GRIP1: variants seen among roughly 807,000 people sequenced by gnomAD.
GRIP1 encodes glutamate receptor interacting protein 1.
GRIP1 carries 45 observed loss-of-function variants against 129.9 expected under a neutral mutation model. The ratio of observed to expected loss-of-function variants is 0.35; its 90% CI spans 0.27 to 0.44. The LOEUF (loss-of-function observed/expected upper bound fraction) is 0.44. Among genes scored for constraint, GRIP1 ranks in the 20% least tolerant of loss-of-function variants. The pLI is 1.00. For missense variants in GRIP1, 1,196 were observed against 1,396.8 expected, an observed-to-expected ratio of 0.86 and a Z score of 2.29; for synonymous variants, 530 against 520.8, an observed-to-expected ratio of 1.02 and a Z score of -0.24.
chr12:66,372,170 C>T (rs981786887), intron 22 of GRIP1: 5 of 581,340 alleles, frequency 8.6e-6, no homozygotes, highest in Non-Finnish European at 1.5e-5. Context: ...TTTATTTAAT[C>T]AAATACCACC....
chr12:67,036,962 T>C (rs1163713159), intron 1 of GRIP1, among the ~76,000 whole-genome samples: 2 of 152,134 alleles, frequency 1.3e-5, no homozygotes, highest in East Asian at 3.9e-4. Flanking sequence ...CGTGTGAGTC[T>C]CCGACAAGTG....
chr12:66,683,136 G>A (rs778414224), upstream of GRIP1, among the ~76,000 whole-genome samples: 16 of 151,788 alleles, frequency 1.1e-4, no homozygotes, highest in Non-Finnish European at 2.2e-4. Flanking sequence ...TGTTCTCGGA[G>A]GTCTTAAAAT....
At position 66,485,152 on chromosome 12, in the gene GRIP1, A is replaced by C. The variant is rs143286676; in HGVS notation, c.725-19730T>G. Among the ~76,000 whole-genome samples the C allele has an allele frequency of 2.5e-3, 381 of 152,254 alleles. 1 individual carries two copies. Among genetic ancestry groups the C allele is most frequent in the African/African-American group, 8.6e-3 (358 of 41,548 alleles). ...TGAATTTGCTGTCCCACCAGAAGGG[A>C]ATGAGAATTCCAGTTGCTCTATATG... On this transcript the variant is annotated intron_variant, in intron 7 of 24. Coordinates refer to ENST00000359742, the MANE Select transcript of GRIP1 (RefSeq NM_001366722.1).
intron 6 of GRIP1, among the ~76,000 whole-genome samples, chr12:66,516,605 C>G (rs2060850806): frequency 2.0e-5 from 3 of 152,094 alleles, no homozygotes; most frequent in Non-Finnish European, 2.9e-5. Context: ...TACAAGTATG[C>G]CACTCACAAG....
At chr12:66,671,637 C>T (rs531418074) in intron 1 of GRIP1, among the ~76,000 whole-genome samples, 6 of 152,276 alleles carry the variant, frequency 3.9e-5, no homozygotes, top group African/African-American at 1.4e-4. Flanking sequence ...GAAAACTGTT[C>T]TCTCAAAGGT....
intron 1 of GRIP1, among the ~76,000 whole-genome samples, chr12:67,011,878 C>T (rs1438407869): frequency 6.6e-6 from 1 of 152,188 alleles, no homozygotes; most frequent in Non-Finnish European, 1.5e-5. Context: ...CTCAACTCTG[C>T]TGTTGTAGTA....
At chr12:66,877,515 A>G (rs1258436986) in intron 1 of GRIP1, among the ~76,000 whole-genome samples, 1 of 152,108 alleles carries the variant, frequency 6.6e-6, no homozygotes, top group Non-Finnish European at 1.5e-5. Context: ...ACCTTATTAA[A>G]CACAGCCATA....
At chr12:66,735,189 C>G (rs1249845639) in intron 1 of GRIP1, among the ~76,000 whole-genome samples, 1 of 152,124 alleles carries the variant, frequency 6.6e-6, no homozygotes, top group African/African-American at 2.4e-5. Context: ...CGTGATTGTT[C>G]TGGATTGTGT....
chr12:66,526,992 G>A (rs148610361), intron 5 of GRIP1, among the ~76,000 whole-genome samples: 25,138 of 134,850 alleles, frequency 0.19, 4,866 homozygotes, highest in African/African-American at 0.29. Context: ...TCTCATACCA[G>A]TTAGAATGGC....
In GRIP1 at chr12:66,401,598, G is replaced by GTGTATATATATGTATATA. The variant is rs71096098; in HGVS notation, c.1984+4684_1984+4685insTATATACATATATATACA. 6.0e-5 allele frequency among the ~76,000 whole-genome samples: 4 copies of GTGTATATATATGTATATA among 66,272 alleles called. No homozygotes were observed. The East Asian group carries it at 2.2e-3, about 37-fold the overall frequency. 43.5% of individuals were successfully genotyped at this position (66,272 alleles called of 152,430 possible). A position where few individuals can be genotyped will look rare whatever the true frequency, so the allele number is the denominator to read the frequency against. ...CCGTCTCAAAAAAAAAAATATGTGTGTATATATATATACACACACACACAC... is the reference window on the plus strand; with the variant it reads ...CCGTCTCAAAAAAAAAAATATGTGTGTGTATATATATGTATATATATATATATATACACACACACACAC... On this transcript the variant is annotated intron_variant, in intron 16 of 24. Coordinates refer to ENST00000359742, the MANE Select transcript of GRIP1 (RefSeq NM_001366722.1).
At chr12:66,603,099 T>C (rs1160489422) in intron 1 of GRIP1, among the ~76,000 whole-genome samples, 1 of 151,636 alleles carries the variant, frequency 6.6e-6, no homozygotes, top group Non-Finnish European at 1.5e-5. Context: ...TGGCCTCAAG[T>C]GATCCTCCCA....
At chr12:66,977,880 A>T (rs185361381) in intron 1 of GRIP1, among the ~76,000 whole-genome samples, 22 of 132,918 alleles carry the variant, frequency 1.7e-4, no homozygotes, top group South Asian at 1.2e-3. Context: ...TGGCACAATC[A>T]TACCTCTCTA....
chr12:66,863,911 T>A (rs959409864), intron 1 of GRIP1, among the ~76,000 whole-genome samples: 3 of 152,192 alleles, frequency 2.0e-5, no homozygotes, highest in African/African-American at 7.2e-5. Context: ...TGAATTGTAC[T>A]GAGAGCCCAG....
At chr12:66,588,235 G>A (rs375897224) in intron 2 of GRIP1, among the ~76,000 whole-genome samples, 1 of 152,128 alleles carries the variant, frequency 6.6e-6, no homozygotes, top group South Asian at 2.1e-4. Context: ...GCTCTGAAAG[G>A]CATAAGTGTA....
chr12:66,411,168 G>A (rs569435138), intron 15 of GRIP1, among the ~76,000 whole-genome samples: 268 of 152,240 alleles, frequency 1.8e-3, no homozygotes, highest in Middle Eastern at 0.01. Context: ...TTTTTTAAGC[G>A]GGTCCCTGAT....
At chr12:66,686,366 A>G (rs1386689213) in intron 1 of GRIP1, among the ~76,000 whole-genome samples, 1 of 152,256 alleles carries the variant, frequency 6.6e-6, no homozygotes, top group Non-Finnish European at 1.5e-5. Flanking sequence ...TGGTCTGTGT[A>G]TGAAGGAAAT....
At chr12:66,441,153 T>C (rs2058461872) in intron 13 of GRIP1, among the ~76,000 whole-genome samples, 2 of 152,256 alleles carry the variant, frequency 1.3e-5, no homozygotes, top group African/African-American at 2.4e-5. Context: ...TTCTTCTTAA[T>C]GGCCAAATCC....
chr12:67,063,847 G>A (rs1474953938), intron 1 of GRIP1, among the ~76,000 whole-genome samples: 1 of 152,118 alleles, frequency 6.6e-6, no homozygotes, highest in Non-Finnish European at 1.5e-5. Context: ...TTTGACCACT[G>A]GGCTGTCTGT....
intron 2 of GRIP1, chr12:66,568,197 A>AT (rs2062834968): frequency 5.0e-6 from 1 of 200,654 alleles, no homozygotes; most frequent in Non-Finnish European, 1.1e-5. Context: ...GGTAATATCC[A>AT]TTGACACTGA....
Sources: gnomAD v4.1 joint callset for allele counts (sites outside exome capture counted in the v4.1 genomes callset) on GRCh38, gnomAD v4.1.1 for gene constraint, MANE v1.5 for transcripts, NCBI Gene and HGNC (gene_info 2026-07-23, HGNC 2026-07-21) for gene names.